Variants in PDZRN4 observed in about 807,000 individuals in gnomAD.
PDZRN4 encodes PDZ domain containing ring finger 4, also known as PDZ domain-containing RING finger protein 4.
PDZRN4 carries 70 observed loss-of-function variants against 99.0 expected under a neutral mutation model. That is an observed-to-expected ratio of 0.71 (90% CI 0.58 to 0.86). The LOEUF (loss-of-function observed/expected upper bound fraction) is 0.86, where lower values mean the gene tolerates loss of function less well. PDZRN4 is among the 40% of genes least tolerant of loss of function. The probability of loss-of-function intolerance (pLI) is 0.00; values close to 1 mark genes in which losing one functional copy is unlikely to be tolerated. For synonymous variants in PDZRN4, 551 were observed against 501.6 expected (o/e 1.10, Z -1.32); for missense variants, 1,474 against 1,331.2 (o/e 1.11, Z -1.67).
intron 5 of PDZRN4, among the ~76,000 whole-genome samples, chr12:41,515,686 T>G (rs1170972808): frequency 5.9e-5 from 9 of 151,996 alleles, no homozygotes; most frequent in Non-Finnish European, 2.9e-5. Context: ...TTCCAGATGC[T>G]CTGTGGCATG....
chr12:41,344,186 A>G (rs1288840603), intron 3 of PDZRN4, among the ~76,000 whole-genome samples: 1 of 152,090 alleles, frequency 6.6e-6, no homozygotes, highest in Admixed American at 6.6e-5. Context: ...GAGGCTTTTT[A>G]TCTTAAATTA....
chr12:41,189,956 A>G (rs1244119442), intron 1 of PDZRN4, among the ~76,000 whole-genome samples: 2 of 152,146 alleles, frequency 1.3e-5, no homozygotes, highest in Non-Finnish European at 2.9e-5. Flanking sequence ...TACCGAATAA[A>G]CAAGCCTCTT....
At chr12:41,511,669 A>G (rs1938306481) in intron 5 of PDZRN4, among the ~76,000 whole-genome samples, 1 of 152,120 alleles carries the variant, frequency 6.6e-6, no homozygotes, top group Non-Finnish European at 1.5e-5. Flanking sequence ...AGAGAAATTT[A>G]CCAGATTCAA....
Position 41,250,684 on chromosome 12 carries a change from T to C in PDZRN4, c.843+56496T>C, listed in dbSNP as rs566455398. ...AAATTAGAACTGGAAGGTAGATGCCTAATGATTTCCTGTTGAAACTTTCAC... is the reference window on the plus strand; with the variant it reads ...AAATTAGAACTGGAAGGTAGATGCCCAATGATTTCCTGTTGAAACTTTCAC... On this transcript the variant is annotated intron_variant, in intron 3 of 9. Transcript: ENST00000402685. 4.6e-5 allele frequency among the ~76,000 whole-genome samples: 7 copies of C among 152,344 alleles called. No homozygotes were observed. In the South Asian group the frequency reaches 1.4e-3, roughly 32 times the overall value.
chr12:41,359,808 G>A (rs1005849826), intron 3 of PDZRN4, among the ~76,000 whole-genome samples: 2 of 151,846 alleles, frequency 1.3e-5, no homozygotes, highest in Admixed American at 6.6e-5. Flanking sequence ...GCGTGAGAAC[G>A]GACTTATACA....
intron 3 of PDZRN4, among the ~76,000 whole-genome samples, chr12:41,324,964 A>T (rs937985877): frequency 6.6e-6 from 1 of 152,152 alleles, no homozygotes; most frequent in Non-Finnish European, 1.5e-5. Flanking sequence ...TGTGGCTCTC[A>T]TCTGTGCTCA....
chr12:41,446,168 T>C (rs1033137765), intron 3 of PDZRN4, among the ~76,000 whole-genome samples: 4 of 152,138 alleles, frequency 2.6e-5, no homozygotes, highest in African/African-American at 7.2e-5. Flanking sequence ...TCTTGCTTTA[T>C]GGTTGTTTAG....
chr12:41,516,173 C>A (rs866788173), intron 5 of PDZRN4, among the ~76,000 whole-genome samples: 10 of 152,078 alleles, frequency 6.6e-5, no homozygotes, highest in Admixed American at 1.3e-4. Context: ...TGAACTCCCA[C>A]ACCGCATTCT....
Position 41,191,474 on chromosome 12 carries a change from C to A in PDZRN4, c.665C>A (p.Pro222Gln). Residue 222 changes from proline to glutamine, a missense_variant, in exon 2 of 10, where the codon CCA becomes CAA. Coordinates refer to ENST00000402685, the MANE Select transcript of PDZRN4 (RefSeq NM_001164595.2). ...TTTTTCTAGGATGGAGAGCATAAGC[C>A]ATTCACTATTGTGTTAGAAAGAGAA... is the stretch of plus-strand genomic sequence containing the variant. ...GGHRRDGEHK[P>Q]FTIVLEREND... is the part of the protein sequence containing the mutation. 1 of 1,546,580 alleles carries A rather than the reference C, an allele frequency of 6.5e-7. No individual in the cohort carries two copies. The highest frequency in any genetic ancestry group is 8.8e-7 in the Non-Finnish European group (1 of 1,133,438).
intron 3 of PDZRN4, among the ~76,000 whole-genome samples, chr12:41,478,354 G>T (rs1214610071): frequency 6.6e-6 from 1 of 152,106 alleles, no homozygotes; most frequent in Admixed American, 6.5e-5. Flanking sequence ...GACCTCAGGT[G>T]ATCCGCCTGT....
At chr12:41,373,199 C>T (rs1046754667) in intron 3 of PDZRN4, among the ~76,000 whole-genome samples, 4 of 147,630 alleles carry the variant, frequency 2.7e-5, no homozygotes, top group African/African-American at 9.8e-5. Flanking sequence ...CACAGGACCA[C>T]AGGACCGGGG....
intron 3 of PDZRN4, among the ~76,000 whole-genome samples, chr12:41,473,857 G>A (rs1953016580): frequency 6.6e-6 from 1 of 152,154 alleles, no homozygotes; most frequent in South Asian, 2.1e-4. Context: ...GTCTTTGAAA[G>A]CAACCAAAAT....
At chr12:41,346,316 G>T (rs1951854505) in intron 3 of PDZRN4, among the ~76,000 whole-genome samples, 1 of 152,042 alleles carries the variant, frequency 6.6e-6, no homozygotes, top group Non-Finnish European at 1.5e-5. Flanking sequence ...CAAAAAATTA[G>T]CTGGGTGCGG....
At chr12:41,322,877 C>CT (rs1054730989) in intron 3 of PDZRN4, among the ~76,000 whole-genome samples, 2 of 137,908 alleles carry the variant, frequency 1.5e-5, no homozygotes, top group East Asian at 1.9e-4. Flanking sequence ...TTCCTTTTTT[C>CT]TTTTTTTTCT....
intron 3 of PDZRN4, among the ~76,000 whole-genome samples, chr12:41,298,371 G>C (rs1293440583): frequency 6.6e-6 from 1 of 152,086 alleles, no homozygotes; most frequent in African/African-American, 2.4e-5. Flanking sequence ...TGCTATTCTG[G>C]TTGAATAATC....
At chr12:41,530,093 A>G (rs1938635927) in intron 5 of PDZRN4, among the ~76,000 whole-genome samples, 1 of 151,990 alleles carries the variant, frequency 6.6e-6, no homozygotes, top group African/African-American at 2.4e-5. Flanking sequence ...ACGGCATAAG[A>G]CTTCCATGGC....
At chr12:41,276,971 CAA>C (rs1951353610) in intron 3 of PDZRN4, among the ~76,000 whole-genome samples, 1 of 152,072 alleles carries the variant, frequency 6.6e-6, no homozygotes, top group African/African-American at 2.4e-5. Flanking sequence ...AAGATGGTAA[CAA>C]GAGGGGAATC....
chr12:41,507,410 G>A (rs913932810), intron 4 of PDZRN4, among the ~76,000 whole-genome samples: 8 of 152,008 alleles, frequency 5.3e-5, no homozygotes, highest in Non-Finnish European at 8.8e-5. Context: ...GTGAGCTTTC[G>A]AGCAAATATT....
At position 41,188,707 on chromosome 12, in the gene PDZRN4, C is replaced by A; in HGVS notation, c.252C>A (p.Arg84=). Residue 84 remains arginine, a synonymous_variant, in exon 1 of 10, where the codon CGC becomes CGA. Transcript: ENST00000402685. ...AGCTGCGAGTCCAGTGCGACTACCGCGCCCGCGGCTGCGGCCACTCGGTCA... is the reference window on the plus strand; with the variant it reads ...AGCTGCGAGTCCAGTGCGACTACCGAGCCCGCGGCTGCGGCCACTCGGTCA... ...IQKLRVQCDY[R]ARGCGHSVRL... 6.4e-7 allele frequency: 1 copy of A among 1,556,098 alleles called. No homozygotes were observed.
Sources: allele counts gnomAD v4.1 joint callset (sites outside exome capture counted in the v4.1 genomes callset), GRCh38; gene constraint gnomAD v4.1.1; transcripts MANE v1.5; gene names NCBI Gene and HGNC (gene_info 2026-07-23, HGNC 2026-07-21).